SLC38A12: variants seen among roughly 807,000 people sequenced by gnomAD.
SLC38A12 encodes putative sodium-coupled neutral amino acid transporter 12.
At chr17:74,820,474 G>A in the SLC38A12 span, among the ~76,000 whole-genome samples, 1 of 152,170 alleles carries the variant, frequency 6.6e-6, no homozygotes, top group Non-Finnish European at 1.5e-5. Flanking sequence ...GTCTACTTCC[G>A]CCACACCATC....
At chr17:74,777,286 T>C in the SLC38A12 span, 1 of 1,613,592 alleles carries the variant, frequency 6.2e-7, no homozygotes, top group South Asian at 1.1e-5. Context: ...CCGCCGTCCT[T>C]GCACCTAAGG....
chr17:74,781,064 G>A, the SLC38A12 span, among the ~76,000 whole-genome samples: 8 of 152,076 alleles, frequency 5.3e-5, no homozygotes, highest in African/African-American at 9.7e-5. Context: ...GGTTGTTACC[G>A]GCACCTAGTG....
chr17:74,777,316 T>C, the SLC38A12 span: 1 of 1,614,198 alleles, frequency 6.2e-7, no homozygotes, highest in Non-Finnish European at 8.5e-7. Flanking sequence ...TGCCAGCCCT[T>C]CCTCACTTTT....
the SLC38A12 span, chr17:74,837,721 A>C: frequency 1.0e-6 from 1 of 985,780 alleles, no homozygotes; most frequent in Non-Finnish European, 1.2e-6. Context: ...CCATGGAAGG[A>C]GGCCAGGTCC....
At chr17:74,831,375 T>C in the SLC38A12 span, among the ~76,000 whole-genome samples, 1 of 152,188 alleles carries the variant, frequency 6.6e-6, no homozygotes, top group Non-Finnish European at 1.5e-5. Flanking sequence ...TCCATTGTTG[T>C]TGAATGAAGG....
the SLC38A12 span, among the ~76,000 whole-genome samples, chr17:74,780,178 A>G: frequency 8.9e-4 from 136 of 152,308 alleles, no homozygotes; most frequent in African/African-American, 3.1e-3. Context: ...GGCTTGTTTC[A>G]CACCCTGAAA....
the SLC38A12 span, chr17:74,836,744 G>A: frequency 3.1e-3 from 4,635 of 1,518,464 alleles, 107 homozygotes; most frequent in African/African-American, 0.056. The surrounding 1 kb of genome is among the most constrained non-coding windows in gnomAD (Gnocchi z 4.2). Context: ...CCCACCCCTC[G>A]CCCGCAGAGC....
chr17:74,834,793 G>A, the SLC38A12 span, among the ~76,000 whole-genome samples: 1 of 152,266 alleles, frequency 6.6e-6, no homozygotes, highest in African/African-American at 2.4e-5. Context: ...TAGAGAGGCT[G>A]TCAGATATGT....
chr17:74,825,607 G>A, the SLC38A12 span, among the ~76,000 whole-genome samples: 3,175 of 152,326 alleles, frequency 0.021, 53 homozygotes, highest in South Asian at 0.061. Context: ...AGCAGCCTTT[G>A]TTATCAGCTC....
the SLC38A12 span, among the ~76,000 whole-genome samples, chr17:74,815,624 G>A: frequency 3.3e-5 from 5 of 152,160 alleles, no homozygotes; most frequent in East Asian, 1.9e-4. Context: ...ACAGAAGCAC[G>A]CAGAGTCGGA....
the SLC38A12 span, chr17:74,788,985 C>A: frequency 1.2e-6 from 1 of 866,700 alleles, no homozygotes; most frequent in Non-Finnish European, 1.7e-6. Context: ...GTCCACGGCA[C>A]TGCTCCTGGA....
the SLC38A12 span, among the ~76,000 whole-genome samples, chr17:74,778,639 CTTTTTTTTT>C: frequency 2.6e-5 from 2 of 75,784 alleles, no homozygotes; most frequent in African/African-American, 5.6e-5. Flanking sequence ...CAGGGGAAGT[CTTTTTTTTT>C]TTTTTTTTTT....
chr17:74,797,322 A>G, the SLC38A12 span, among the ~76,000 whole-genome samples: 1 of 152,208 alleles, frequency 6.6e-6, no homozygotes, highest in African/African-American at 2.4e-5. Context: ...GACGGGCATT[A>G]ATTACTGCCT....
chr17:74,794,790 A>G, the SLC38A12 span, among the ~76,000 whole-genome samples: 5 of 152,112 alleles, frequency 3.3e-5, no homozygotes, highest in African/African-American at 1.2e-4. Context: ...CTCTCAGGTG[A>G]AAGTCATGAG....
At chr17:74,785,595 C>G in the SLC38A12 span, 1 of 1,613,634 alleles carries the variant, frequency 6.2e-7, no homozygotes, top group Admixed American at 1.7e-5. Context: ...TGTTCCTGGG[C>G]TTCATGAGGT....
the SLC38A12 span, among the ~76,000 whole-genome samples, chr17:74,826,876 A>G: frequency 3.9e-5 from 6 of 152,146 alleles, no homozygotes; most frequent in African/African-American, 1.4e-4. Context: ...TGGTGGGGGT[A>G]GGCGGGGGCG....
At chr17:74,806,383 A>G in the SLC38A12 span, among the ~76,000 whole-genome samples, 1 of 152,166 alleles carries the variant, frequency 6.6e-6, no homozygotes, top group African/African-American at 2.4e-5. Flanking sequence ...GTCGGGGAGA[A>G]TAATGCCGTG....
chr17:74,783,881 C>G, the SLC38A12 span, among the ~76,000 whole-genome samples: 1 of 151,772 alleles, frequency 6.6e-6, no homozygotes, highest in African/African-American at 2.4e-5. Flanking sequence ...CAGGCACACG[C>G]CACCCCCCAG....
the SLC38A12 span, among the ~76,000 whole-genome samples, chr17:74,792,900 C>CA: frequency 6.6e-6 from 1 of 152,226 alleles, no homozygotes; most frequent in African/African-American, 2.4e-5. Context: ...CCTGAGCAAG[C>CA]ATAAGCGTTT....
Sources: allele counts gnomAD v4.1 joint callset (sites outside exome capture counted in the v4.1 genomes callset), GRCh38; gene constraint gnomAD v4.1.1; non-coding constraint Gnocchi (gnomAD v3.1); transcripts MANE v1.5; gene names NCBI Gene and HGNC (gene_info 2026-07-23, HGNC 2026-07-21).